NTN1: variants seen among roughly 807,000 people sequenced by gnomAD.
NTN1 encodes netrin 1.
NTN1 carries 11 observed loss-of-function variants against 54.2 expected under a neutral mutation model. The ratio of observed to expected loss-of-function variants is 0.20; its 90% CI spans 0.13 to 0.34. The LOEUF is 0.34. Ranked by LOEUF, NTN1 falls within the 10% of genes least tolerant of loss-of-function variation. NTN1 has a pLI of 1.00. For missense variants in NTN1, 740 were observed against 893.1 expected (o/e 0.83, Z 2.18); for synonymous variants, 371 against 382.0 (o/e 0.97, Z 0.33).
At chr17:9,110,483 T>G (rs2092186615) in intron 2 of NTN1, among the ~76,000 whole-genome samples, 1 of 152,088 alleles carries the variant, frequency 6.6e-6, no homozygotes, top group Admixed American at 6.5e-5. Context: ...TTGGCCAGGC[T>G]GGTCTTGAGC....
intron 2 of NTN1, among the ~76,000 whole-genome samples, chr17:9,058,401 A>T (rs1018585962): frequency 6.6e-6 from 1 of 152,174 alleles, no homozygotes; most frequent in African/African-American, 2.4e-5. Flanking sequence ...CAGGTCATTC[A>T]TATGAACATT....
intron 6 of NTN1, among the ~76,000 whole-genome samples, chr17:9,222,633 C>T (rs1019433595): frequency 3.9e-5 from 6 of 152,102 alleles, no homozygotes; most frequent in Non-Finnish European, 8.8e-5. Flanking sequence ...GGGTGAGAAG[C>T]GAAGGCCACC....
chr17:9,062,837 G>C (rs1172999434), intron 2 of NTN1, among the ~76,000 whole-genome samples: 2 of 152,150 alleles, frequency 1.3e-5, no homozygotes, highest in East Asian at 3.9e-4. Flanking sequence ...ACGTCAGCTC[G>C]TAGTAGAAAT....
intron 3 of NTN1, chr17:9,171,620 G>A (rs1371399353): frequency 3.3e-5 from 5 of 152,294 alleles, no homozygotes; most frequent in Non-Finnish European, 5.9e-5. Flanking sequence ...GCCCTGGAGG[G>A]GCTTCTCGCG....
intron 2 of NTN1, among the ~76,000 whole-genome samples, chr17:9,096,726 C>T (rs1174667844): frequency 6.6e-6 from 1 of 152,128 alleles, no homozygotes; most frequent in Non-Finnish European, 1.5e-5. Context: ...GCCATTCATT[C>T]TCTTTTCTTG....
At chr17:9,049,048 G>A (rs1278914554) in intron 2 of NTN1, among the ~76,000 whole-genome samples, 1 of 152,178 alleles carries the variant, frequency 6.6e-6, no homozygotes, top group Non-Finnish European at 1.5e-5. Flanking sequence ...GCACTTTGGT[G>A]AATGCATTAG....
At chr17:9,202,466 C>T (rs1195093106) in intron 5 of NTN1, among the ~76,000 whole-genome samples, 1 of 152,118 alleles carries the variant, frequency 6.6e-6, no homozygotes, top group East Asian at 1.9e-4. Flanking sequence ...CTGTGGGTAC[C>T]TGGAGTGTAT....
At position 9,212,108 on chromosome 17, in the gene NTN1, G is replaced by C. The variant is rs1905119766; in HGVS notation, c.1412-9060G>C. The stretch of plus-strand genomic sequence containing the variant: ...AGGCAGGTAGGGCTTGAGGGTGATG[G>C]ATTGGGTCAGCGAGACTAGTACAGG... On this transcript the variant is annotated intron_variant, in intron 5 of 6. Transcript: ENST00000173229. This position sits in a 1 kb window ranked among gnomAD's most constrained non-coding sequence, Gnocchi z 5.5. 6.6e-6 allele frequency among the ~76,000 whole-genome samples: 1 copy of C among 152,248 alleles called. No homozygotes were observed. Among genetic ancestry groups the C allele is most frequent in the South Asian group, 2.1e-4 (1 of 4,832 alleles).
intron 2 of NTN1, among the ~76,000 whole-genome samples, chr17:9,029,351 G>C (rs1467492192): frequency 1.3e-5 from 2 of 152,288 alleles, no homozygotes; most frequent in East Asian, 3.9e-4. Context: ...ACACAAACGG[G>C]ACTAAGTGTG....
intron 2 of NTN1, among the ~76,000 whole-genome samples, chr17:9,028,144 C>G (rs1283402557): frequency 1.3e-5 from 2 of 152,120 alleles, no homozygotes; most frequent in Non-Finnish European, 2.9e-5. Flanking sequence ...AGAAGGCCTT[C>G]TCTTTTCACC....
chr17:9,089,022 G>C (rs927267189), intron 2 of NTN1, among the ~76,000 whole-genome samples: 1 of 152,156 alleles, frequency 6.6e-6, no homozygotes, highest in African/African-American at 2.4e-5. Context: ...GACTGTTGTG[G>C]AGGCAGGACC....
chr17:9,019,714 T>C (rs1010616287), upstream of NTN1, among the ~76,000 whole-genome samples: 3 of 152,232 alleles, frequency 2.0e-5, no homozygotes, highest in African/African-American at 7.2e-5. Context: ...TGAACCCAGG[T>C]ACCCTGGCTC....
chr17:9,073,243 C>G (rs1039877761), intron 2 of NTN1, among the ~76,000 whole-genome samples: 3 of 151,990 alleles, frequency 2.0e-5, no homozygotes, highest in African/African-American at 4.8e-5. Context: ...TCCTGAGCGC[C>G]GAGACTTGGG....
At chr17:9,096,184 GT>G (rs2092131383) in intron 2 of NTN1, among the ~76,000 whole-genome samples, 1 of 151,988 alleles carries the variant, frequency 6.6e-6, no homozygotes, top group Admixed American at 6.6e-5. Flanking sequence ...GTCCCTGAAT[GT>G]TTCTTAAGTT....
Position 9,023,349 on chromosome 17 carries a change from C to T in NTN1, c.976C>T (p.Pro326Ser). ...CTGCAAGCCCTTCCACTACGACCGG[C>T]CCTGGCAGCGCGCCACAGCCCGCGA... ...DRCKPFHYDRPWQRATAREAN... is the reference protein window; with the variant it reads ...DRCKPFHYDRSWQRATAREAN... Residue 326 changes from proline to serine, a missense_variant, in exon 2 of 7, where the codon CCC becomes TCC. Physicochemically the swap from Pro to Ser is moderately conservative, Grantham distance 74. Transcript: ENST00000173229. 1 of 1,496,770 alleles carries T rather than the reference C, an allele frequency of 6.7e-7. No homozygotes were observed. The highest frequency in any genetic ancestry group is 8.9e-7 in the Non-Finnish European group (1 of 1,122,474). The allele number at this position is 1,496,770 out of a possible 1,614,324, so 92.7% of individuals were successfully genotyped here.
chr17:9,059,439 G>C (rs943838335), intron 2 of NTN1, among the ~76,000 whole-genome samples: 3 of 152,152 alleles, frequency 2.0e-5, no homozygotes, highest in Admixed American at 1.3e-4. Context: ...CAAATGAATG[G>C]ATAAACAAAA....
intron 2 of NTN1, among the ~76,000 whole-genome samples, chr17:9,102,431 C>T (rs900470851): frequency 6.6e-6 from 1 of 152,140 alleles, no homozygotes; most frequent in Non-Finnish European, 1.5e-5. Context: ...ATCACAGGAC[C>T]AGGATTGGGG....
rs536075505 is a variant in NTN1 at position 9,211,205 on chromosome 17, C to T, written c.1412-9963C>T. On this transcript the variant is annotated intron_variant, in intron 5 of 6. Transcript: ENST00000173229. The surrounding 1 kb of genome is among the most constrained non-coding windows in gnomAD (Gnocchi z 4.4). ...CCCCAGCTTTTGCCAGCTCCAGTCTCCCTTCCTTTTGGTTTCTCACACTTT... is the reference window on the plus strand; with the variant it reads ...CCCCAGCTTTTGCCAGCTCCAGTCTTCCTTCCTTTTGGTTTCTCACACTTT... 6.6e-6 allele frequency among the ~76,000 whole-genome samples: 1 copy of T among 152,298 alleles called. No individual in the cohort carries two copies. The highest frequency in any genetic ancestry group is 1.9e-4 in the East Asian group (1 of 5,170).
chr17:9,037,102 G>C (rs1003739566), intron 2 of NTN1, among the ~76,000 whole-genome samples: 1 of 152,170 alleles, frequency 6.6e-6, no homozygotes, highest in African/African-American at 2.4e-5. Context: ...AAGAAATACA[G>C]TATTTCCAGA....
Sources: gnomAD v4.1 joint callset for allele counts (sites outside exome capture counted in the v4.1 genomes callset) on GRCh38, gnomAD v4.1.1 for gene constraint, Gnocchi (gnomAD v3.1) non-coding constraint, MANE v1.5 for transcripts, NCBI Gene and HGNC (gene_info 2026-07-23, HGNC 2026-07-21) for gene names.